The following CSMD2 variants were observed in gnomAD, a reference collection of about 807,000 sequenced individuals.
CSMD2 encodes the protein CUB and Sushi multiple domains 2.
A neutral mutation model predicts 398.5 loss-of-function variants in CSMD2; 130 were observed. That is an observed-to-expected ratio of 0.33 (90% CI 0.28 to 0.38). The LOEUF is 0.38. Among genes scored for constraint, CSMD2 ranks in the 10% least tolerant of loss-of-function variants. The pLI is 1.00. For synonymous variants in CSMD2, 1,828 were observed against 1,908.5 expected (o/e 0.96, Z 1.10); for missense variants, 3,829 against 4,764.9 (o/e 0.80, Z 5.78).
intron 10 of CSMD2, among the ~76,000 whole-genome samples, chr1:33,800,247 T>G (rs1447261704): frequency 6.6e-6 from 1 of 152,088 alleles, no homozygotes; most frequent in Non-Finnish European, 1.5e-5. Context: ...CCCTCCAGGG[T>G]CTTGCTGAGG....
chr1:34,070,625 G>C (rs1211321257), intron 2 of CSMD2, among the ~76,000 whole-genome samples: 1 of 152,186 alleles, frequency 6.6e-6, no homozygotes, highest in Non-Finnish European at 1.5e-5. Context: ...CACTTACATG[G>C]GTGGAGCTTT....
chr1:33,520,419 G>C (rs1476047508), intron 68 of CSMD2, among the ~76,000 whole-genome samples: 1 of 152,180 alleles, frequency 6.6e-6, no homozygotes, highest in Admixed American at 6.5e-5. Flanking sequence ...CTGCAGACTG[G>C]GAAGGCTCAG....
chr1:34,083,212 C>A (rs902973257), intron 2 of CSMD2, among the ~76,000 whole-genome samples: 2 of 151,930 alleles, frequency 1.3e-5, no homozygotes, highest in African/African-American at 2.4e-5. Flanking sequence ...ATCACACACA[C>A]AAAAAAGTGC....
intron 9 of CSMD2, among the ~76,000 whole-genome samples, chr1:33,817,138 T>C (rs1359769903): frequency 6.6e-6 from 1 of 152,068 alleles, no homozygotes; most frequent in Non-Finnish European, 1.5e-5. Flanking sequence ...AACCTTAAAA[T>C]TGCCAAAATA....
At chr1:33,821,427 T>C (rs942951111) in intron 7 of CSMD2, among the ~76,000 whole-genome samples, 2 of 152,178 alleles carry the variant, frequency 1.3e-5, no homozygotes, top group African/African-American at 4.8e-5. Flanking sequence ...GACCAGGAGC[T>C]GGAGCCAGGC....
intron 1 of CSMD2, among the ~76,000 whole-genome samples, chr1:34,103,270 T>C (rs529774103): frequency 1.4e-5 from 2 of 148,026 alleles, no homozygotes; most frequent in South Asian, 2.2e-4. Context: ...TGGCTGTCTC[T>C]ACCAGCAAAC....
intron 5 of CSMD2, among the ~76,000 whole-genome samples, chr1:33,851,124 G>C (rs1485160936): frequency 6.6e-6 from 1 of 152,124 alleles, no homozygotes; most frequent in Non-Finnish European, 1.5e-5. Flanking sequence ...ACATCTTCAG[G>C]AGAACATTCA....
Position 33,958,064 on chromosome 1 carries a change from T to C in CSMD2, c.518-22110A>G, listed in dbSNP as rs577405844. Among the ~76,000 whole-genome samples the C allele has an allele frequency of 7.2e-5, 11 of 152,216 alleles. No homozygotes were observed. The South Asian group carries it at 1.5e-3, about 20-fold the overall frequency. The stretch of plus-strand genomic sequence containing the variant: ...AGGGATGCTTCATGCAGGGTTTCCA[T>C]GGCAACGCTTTATGAAACAGCAAGG... On this transcript the variant is annotated intron_variant, in intron 3 of 70. Transcript: ENST00000373381.
At chr1:34,120,470 G>A (rs547812117) in intron 1 of CSMD2, among the ~76,000 whole-genome samples, 17 of 152,328 alleles carry the variant, frequency 1.1e-4, no homozygotes, top group East Asian at 1.9e-4. Context: ...GTGAAGAAAC[G>A]AGGGGCATGG....
Position 33,625,209 on chromosome 1 carries a change from G to A in CSMD2, c.5342C>T (p.Pro1781Leu). ...SATQCSSVPE[P>L]RYGKRLGSDF... ...ACTGCCCAGCCTCTTGCCATAGCGG[G>A]GTTCCGGCACAGAGCTGCACTGCGT... The change falls in exon 34 of 71, where the codon CCC becomes CTC. Residue 1781 changes from proline (P) to leucine (L), a missense_variant. Pro to Leu is a moderately conservative substitution (Grantham distance 98). Transcript: ENST00000373381. 6.2e-7 allele frequency: 1 copy of A among 1,613,798 alleles called. No homozygotes were observed.
chr1:34,148,883 A>C (rs1387898872), intron 1 of CSMD2, among the ~76,000 whole-genome samples: 1 of 152,200 alleles, frequency 6.6e-6, no homozygotes, highest in Non-Finnish European at 1.5e-5. Flanking sequence ...TAGGTGCAGT[A>C]GGTGGCGGAT....
chr1:34,038,899 T>A (rs1651493494), intron 2 of CSMD2, among the ~76,000 whole-genome samples: 1 of 152,192 alleles, frequency 6.6e-6, no homozygotes, highest in Non-Finnish European at 1.5e-5. Flanking sequence ...TCCCACTCCC[T>A]TCCTTCGTAC....
At chr1:34,108,078 T>C (rs1660694367) in intron 1 of CSMD2, among the ~76,000 whole-genome samples, 2 of 152,214 alleles carry the variant, frequency 1.3e-5, no homozygotes, top group African/African-American at 2.4e-5. Flanking sequence ...ATTTGTCTGC[T>C]TGTCAACGGT....
intron 3 of CSMD2, among the ~76,000 whole-genome samples, chr1:33,990,527 T>C (rs1179451042): frequency 2.0e-5 from 3 of 152,162 alleles, no homozygotes; most frequent in Non-Finnish European, 4.4e-5. Context: ...CCGGTTCTGA[T>C]AGGCCTATCT....
chr1:33,716,609 G>GTGTA lies in CSMD2; in HGVS notation c.3002-112_3002-109dup, dbSNP rs1248518337. On this transcript the variant is annotated intron_variant, in intron 19 of 70. Coordinates refer to ENST00000373381, the MANE Select transcript of CSMD2 (RefSeq NM_001281956.2). ...TTCCAGTTTGCAAATGTCTATCTGT[G>GTGTA]TGTATGACTACAAGCATGCATTGAC... 3 of 750,112 alleles carry GTGTA rather than the reference G, an allele frequency of 4.0e-6. No individual in the cohort carries two copies. In the African/African-American group the frequency reaches 5.2e-5, roughly 13 times the overall value. The allele number at this position is 750,112 out of a possible 1,614,324, so 46.5% of individuals were successfully genotyped here.
Position 33,572,498 on chromosome 1 carries a change from G to A in CSMD2, c.7762+8C>T. 1 of 1,574,898 alleles carries A rather than the reference G, an allele frequency of 6.3e-7. No individual in the cohort carries two copies. Among genetic ancestry groups the A allele is most frequent in the Non-Finnish European group, 8.7e-7 (1 of 1,154,098 alleles). Reference sequence around the variant, plus strand: ...CCTTACACCCGCCTCCATTGCCCGAGGACTCACGGACACACTGTGGTGGGA... The same window carrying A: ...CCTTACACCCGCCTCCATTGCCCGAAGACTCACGGACACACTGTGGTGGGA... On this transcript the variant is annotated splice_region_variant and intron_variant, in intron 50 of 70. Transcript: ENST00000373381.
rs968253911 is a variant in CSMD2, at chr1:34,002,033, G to GT, written c.517+30560dup. The stretch of plus-strand genomic sequence containing the variant: ...AAGTTTAATGATTCCTTCAACCTTT[G>GT]TTTTTTTTTCCATCTGTCGAATTTA... On this transcript the variant is annotated intron_variant, in intron 3 of 70. Coordinates refer to ENST00000373381, the MANE Select transcript of CSMD2 (RefSeq NM_001281956.2). Among the ~76,000 whole-genome samples the GT allele has an allele frequency of 2.0e-4, 30 of 150,908 alleles. 1 individual carries two copies. The highest frequency in any genetic ancestry group is 1.1e-3 in the South Asian group (5 of 4,750).
At chr1:33,825,174 A>C (rs6703166) in intron 7 of CSMD2, among the ~76,000 whole-genome samples, 104,088 of 151,384 alleles carry the variant, frequency 0.69, 37,011 homozygotes, top group African/African-American at 0.89. Flanking sequence ...CTCCCCATTG[A>C]CCCGAGGCAG....
chr1:34,125,384 C>G (rs959843956), intron 1 of CSMD2, among the ~76,000 whole-genome samples: 1 of 152,156 alleles, frequency 6.6e-6, no homozygotes, highest in Non-Finnish European at 1.5e-5. Context: ...GGGAAACTTG[C>G]CCTGCCATCA....
Sources: allele counts gnomAD v4.1 joint callset (sites outside exome capture counted in the v4.1 genomes callset), GRCh38; gene constraint gnomAD v4.1.1; transcripts MANE v1.5; gene names NCBI Gene and HGNC (gene_info 2026-07-23, HGNC 2026-07-21).